ARID3B: variants seen among roughly 807,000 people sequenced by gnomAD.
ARID3B encodes AT-rich interactive domain-containing protein 3B.
Under a neutral mutation model 51.9 loss-of-function variants are expected in ARID3B, and 10 were observed. That is an observed-to-expected ratio of 0.19 (90% CI 0.12 to 0.33). The LOEUF (loss-of-function observed/expected upper bound fraction) is 0.33. Ranked by LOEUF, ARID3B falls within the 10% of genes least tolerant of loss-of-function variation. ARID3B has a pLI of 1.00. For missense variants in ARID3B, 483 were observed against 716.3 expected (o/e 0.67, Z 3.72); for synonymous variants, 205 against 279.5 (o/e 0.73, Z 2.66).
At chr15:74,541,876 G>C (rs2061596748) in intron 1 of ARID3B, among the ~76,000 whole-genome samples, 1 of 152,206 alleles carries the variant, frequency 6.6e-6, no homozygotes, top group Non-Finnish European at 1.5e-5. Flanking sequence ...CGTGTGAAGG[G>C]ATGAAGAGGT....
Position 74,593,250 on chromosome 15 carries a change from G to C in ARID3B, c.1519+14G>C. On this transcript the variant is annotated intron_variant, in intron 8 of 8. Coordinates refer to ENST00000346246, the MANE Select transcript of ARID3B (RefSeq NM_006465.4). ...CCACCTATGCAGGTGAGGCCCTGGAGCTCTGGGGGAGGCCCACGTGGCCGC... is the reference window on the plus strand; with the variant it reads ...CCACCTATGCAGGTGAGGCCCTGGACCTCTGGGGGAGGCCCACGTGGCCGC... 1.9e-6 allele frequency: 3 copies of C among 1,608,228 alleles called. No homozygotes were observed. Among genetic ancestry groups the C allele is most frequent in the Non-Finnish European group, 2.5e-6 (3 of 1,178,036 alleles).
At position 74,591,543 on chromosome 15, in the gene ARID3B, C is replaced by T. The variant is rs756306380; in HGVS notation, c.1166-17C>T. ...GAGGGTCAATTGTGGATTGGTCCAG[C>T]TCCAGTTCCTTTGCAGGTGATGGAG... is the stretch of plus-strand genomic sequence containing the variant. On this transcript the variant is annotated splice_polypyrimidine_tract_variant and intron_variant, in intron 6 of 8. Coordinates refer to ENST00000346246, the MANE Select transcript of ARID3B (RefSeq NM_006465.4). The surrounding 1 kb of genome is among the most constrained non-coding windows in gnomAD (Gnocchi z 5.8). The T allele has an allele frequency of 3.1e-6, 5 of 1,609,388 alleles. No homozygotes were observed. In the Admixed American group the frequency reaches 5.0e-5, roughly 16 times the overall value.
chr15:74,548,414 C>T (rs777001564), intron 2 of ARID3B, among the ~76,000 whole-genome samples: 3 of 152,158 alleles, frequency 2.0e-5, no homozygotes, highest in Non-Finnish European at 2.9e-5. Flanking sequence ...CTTTGGCAGT[C>T]GCTTTGGTTA....
chr15:74,593,103 C>A, intron 7 of ARID3B, 35 bp from the exon 8 acceptor site: 1 of 1,600,018 alleles, frequency 6.2e-7, no homozygotes, highest in Non-Finnish European at 8.5e-7. Context: ...CTGTGGAAGG[C>A]TTGACCAGGC....
At chr15:74,546,529 G>GCGTGTGCATGTGCACA (rs1171088571) in intron 2 of ARID3B, among the ~76,000 whole-genome samples, 11 of 152,214 alleles carry the variant, frequency 7.2e-5, no homozygotes, top group African/African-American at 2.2e-4. Flanking sequence ...TTCAGAACTG[G>GCGTGTGCATGTGCACA]CGTGTGCATG....
intron 4 of ARID3B, among the ~76,000 whole-genome samples, chr15:74,575,175 C>G (rs1017054706): frequency 1.3e-5 from 2 of 152,084 alleles, no homozygotes; most frequent in African/African-American, 4.8e-5. Context: ...AGGAGCTGAT[C>G]CTGTCTCAAA....
intron 4 of ARID3B, 68 bp downstream of exon 4, chr15:74,573,272 A>G (rs1294751997): frequency 6.7e-7 from 1 of 1,497,662 alleles, no homozygotes; most frequent in Middle Eastern, 1.7e-4. Flanking sequence ...TGTGCTAGTC[A>G]CTGTTAGACA....
intron 4 of ARID3B, among the ~76,000 whole-genome samples, chr15:74,577,851 T>C (rs1244052188): frequency 2.0e-5 from 3 of 151,890 alleles, no homozygotes; most frequent in African/African-American, 7.3e-5. Flanking sequence ...GATTACAGTT[T>C]TAATCATGTG....
Position 74,591,281 on chromosome 15 carries a change from T to A in ARID3B, c.1012T>A (p.Tyr338Asn). ...CAGCTACAGCTCCTCCCTCTTTGGC[T>A]ACTCACCTGCTGCGGCTACTGCTGC... The part of the protein sequence containing the change: ...RPSYSSSLFG[Y>N]SPAAATAAAA... Residue 338 changes from tyrosine to asparagine, a missense_variant, in exon 6 of 9, where the codon TAC becomes AAC. Coordinates refer to ENST00000346246, the MANE Select transcript of ARID3B (RefSeq NM_006465.4). This position sits in a 1 kb window ranked among gnomAD's most constrained non-coding sequence, Gnocchi z 5.8. 1 of 1,613,982 alleles carries A rather than the reference T, an allele frequency of 6.2e-7. No homozygotes were observed. The highest frequency in any genetic ancestry group is 1.1e-5 in the South Asian group (1 of 91,078).
intron 2 of ARID3B, among the ~76,000 whole-genome samples, chr15:74,555,749 CCTGT>C (rs1049272978): frequency 5.9e-4 from 89 of 151,616 alleles, no homozygotes; most frequent in African/African-American, 2.0e-3. Context: ...AAGAGGAATC[CCTGT>C]CTATGGCAGC....
intron 2 of ARID3B, among the ~76,000 whole-genome samples, chr15:74,571,814 C>T (rs767863657): frequency 6.6e-6 from 1 of 152,128 alleles, no homozygotes; most frequent in Non-Finnish European, 1.5e-5. Flanking sequence ...ATAAGAGTTA[C>T]TGGACTTGGC....
At chr15:74,554,015 TA>T (rs1404416632) in intron 2 of ARID3B, among the ~76,000 whole-genome samples, 6 of 151,694 alleles carry the variant, frequency 4.0e-5, no homozygotes. Flanking sequence ...TGTTGTTGTT[TA>T]TTTTTTTTGA....
chr15:74,545,390 C>A (rs916066665), intron 2 of ARID3B, among the ~76,000 whole-genome samples: 1 of 152,220 alleles, frequency 6.6e-6, no homozygotes, highest in Non-Finnish European at 1.5e-5. Flanking sequence ...GAAGTGACTT[C>A]CAAATGGCTG....
Position 74,597,598 on chromosome 15 carries a change from G to A in ARID3B, c.*1824G>A. The A allele has an allele frequency of 1.9e-6, 1 of 534,682 alleles. No individual in the cohort carries two copies. Among genetic ancestry groups the A allele is most frequent in the Non-Finnish European group, 3.6e-6 (1 of 276,496 alleles). The allele number at this position is 534,682 out of a possible 1,614,324, so 33.1% of individuals were successfully genotyped here. A position where few individuals can be genotyped will look rare whatever the true frequency, so the allele number is the denominator to read the frequency against. On this transcript the variant is annotated 3_prime_UTR_variant, in exon 9 of 9. Coordinates refer to ENST00000346246, the MANE Select transcript of ARID3B (RefSeq NM_006465.4). ...AGGGTGTGGGCAGAGAAGGGCATCTGGGACGTGGTGCCAGTGAGGAGCCCA... is the reference window on the plus strand; with the variant it reads ...AGGGTGTGGGCAGAGAAGGGCATCTAGGACGTGGTGCCAGTGAGGAGCCCA...
Position 74,597,339 on chromosome 15 carries a change from G to A in ARID3B, c.*1565G>A, listed in dbSNP as rs911242864. ...TGGGGCTGTGGCAGTGGGAGACACC[G>A]CGCGTGGCGTGGGTGTGTGTGGCAG... On this transcript the variant is annotated 3_prime_UTR_variant, in exon 9 of 9. Coordinates refer to ENST00000346246, the MANE Select transcript of ARID3B (RefSeq NM_006465.4). 74 of 416,550 alleles carry A rather than the reference G, an allele frequency of 1.8e-4. No individual in the cohort carries two copies. The highest frequency in any genetic ancestry group is 3.1e-4 in the Non-Finnish European group (68 of 221,004). The allele number at this position is 416,550 out of a possible 1,614,324, so 25.8% of individuals were successfully genotyped here. A position where few individuals can be genotyped will look rare whatever the true frequency, so the allele number is the denominator to read the frequency against.
At chr15:74,579,423 C>A (rs1298766299) in intron 4 of ARID3B, among the ~76,000 whole-genome samples, 1 of 152,118 alleles carries the variant, frequency 6.6e-6, no homozygotes, top group African/African-American at 2.4e-5. Flanking sequence ...CCTTCGTTCT[C>A]CTGATCTTGA....
intron 4 of ARID3B, chr15:74,573,593 A>G (rs116285822): frequency 0.011 from 2,616 of 243,700 alleles, 66 homozygotes; most frequent in African/African-American, 0.056. Context: ...GTGAAAGAAA[A>G]GAGGCCCCTC....
At chr15:74,572,740 A>G (rs2061723491) in intron 2 of ARID3B, 122 bp from the exon 3 acceptor site, 3 of 902,768 alleles carry the variant, frequency 3.3e-6, no homozygotes, top group Non-Finnish European at 5.4e-6. Flanking sequence ...CTTTTATAGT[A>G]TGAGTGAGGA....
At position 74,557,187 on chromosome 15, in the gene ARID3B, G is replaced by A. The variant is rs2061661647; in HGVS notation, c.552+12699G>A. Among the ~76,000 whole-genome samples the A allele has an allele frequency of 1.3e-5, 2 of 151,888 alleles. 1 individual carries two copies. Among genetic ancestry groups the A allele is most frequent in the South Asian group, 4.2e-4 (2 of 4,806 alleles). On this transcript the variant is annotated intron_variant, in intron 2 of 8. Transcript: ENST00000346246. ...TCCAGCACTTTCGGAGGCCAACGCA[G>A]GCGGATTGCTTGAGCCCAGGAGATC...
Sources: allele counts gnomAD v4.1 joint callset (sites outside exome capture counted in the v4.1 genomes callset), GRCh38; gene constraint gnomAD v4.1.1; non-coding constraint Gnocchi (gnomAD v3.1); transcripts MANE v1.5; gene names NCBI Gene and HGNC (gene_info 2026-07-23, HGNC 2026-07-21).